DTD1: variants seen among roughly 807,000 people sequenced by gnomAD.
DTD1 encodes the protein D-tyrosyl-tRNA deacylase 1 homolog.
A neutral mutation model predicts 25.6 loss-of-function variants in DTD1; 13 were observed. The ratio of observed to expected loss-of-function variants is 0.51; its 90% confidence interval spans 0.33 to 0.81. DTD1 has a LOEUF of 0.81. DTD1 is among the 30% of genes least tolerant of loss of function. The pLI is 0.02. For synonymous variants in DTD1, 110 were observed against 103.6 expected, an observed-to-expected ratio of 1.06 and a Z score of -0.37; for missense variants, 193 against 266.4, an observed-to-expected ratio of 0.72 and a Z score of 1.92.
At chr20:18,622,948 T>G (rs893468146) in intron 3 of DTD1, among the ~76,000 whole-genome samples, 29 of 148,270 alleles carry the variant, frequency 2.0e-4, no homozygotes, top group Non-Finnish European at 3.6e-4. Flanking sequence ...TAGAATTTTT[T>G]TTTTTTGTCT....
chr20:18,657,816 C>T (rs536760260), intron 4 of DTD1, among the ~76,000 whole-genome samples: 81 of 152,296 alleles, frequency 5.3e-4, no homozygotes, highest in African/African-American at 1.9e-3. Flanking sequence ...CGTGGGCCTC[C>T]CCATAGGCCT....
intron 4 of DTD1, among the ~76,000 whole-genome samples, chr20:18,638,383 A>G (rs1323251894): frequency 6.6e-6 from 1 of 152,168 alleles, no homozygotes; most frequent in Non-Finnish European, 1.5e-5. Flanking sequence ...AAACAAAAAC[A>G]AGTATAATTT....
intron 2 of DTD1, among the ~76,000 whole-genome samples, chr20:18,594,588 A>C (rs1308067262): frequency 6.6e-6 from 1 of 152,118 alleles, no homozygotes; most frequent in African/African-American, 2.4e-5. Flanking sequence ...TGCTGGATCC[A>C]TTTATTCTGC....
At chr20:18,677,828 A>T (rs1225130560) in intron 4 of DTD1, among the ~76,000 whole-genome samples, 1 of 151,912 alleles carries the variant, frequency 6.6e-6, no homozygotes, top group East Asian at 1.9e-4. Flanking sequence ...AAAGTTCGGG[A>T]CTATCTACAC....
intron 4 of DTD1, among the ~76,000 whole-genome samples, chr20:18,740,253 A>ACAT (rs11471666): frequency 6.6e-5 from 10 of 151,654 alleles, no homozygotes; most frequent in Non-Finnish European, 1.2e-4. Context: ...GCATGAGATT[A>ACAT]CTTAGCAAGG....
chr20:18,722,894 A>G (rs1300815532), intron 4 of DTD1, among the ~76,000 whole-genome samples: 1 of 152,196 alleles, frequency 6.6e-6, no homozygotes, highest in Non-Finnish European at 1.5e-5. Context: ...ACACTGTCTT[A>G]TTTTTCTGGA....
intron 4 of DTD1, among the ~76,000 whole-genome samples, chr20:18,675,824 GTAAATATACCTATGTGTA>G (rs2060969613): frequency 4.0e-5 from 6 of 150,702 alleles, no homozygotes; most frequent in East Asian, 1.9e-4. Flanking sequence ...ACACATATAT[GTAAATATACCTATGTGTA>G]TATTTACACA....
intron 4 of DTD1, chr20:18,692,053 C>T (rs1001200670): frequency 1.3e-5 from 2 of 152,174 alleles, no homozygotes; most frequent in Non-Finnish European, 2.9e-5. Context: ...ACCTTACTTA[C>T]AACTTAGGGC....
intron 1 of DTD1, among the ~76,000 whole-genome samples, chr20:18,592,947 G>C (rs991677137): frequency 1.3e-5 from 2 of 152,152 alleles, no homozygotes; most frequent in Non-Finnish European, 1.5e-5. Context: ...CTCCCAAAGT[G>C]CTGGGATTAC....
intron 5 of DTD1, among the ~76,000 whole-genome samples, chr20:18,759,884 G>T (rs536846504): frequency 6.6e-6 from 1 of 152,344 alleles, no homozygotes; most frequent in Non-Finnish European, 1.5e-5. Context: ...ATCAGATGTA[G>T]ATTTGGTCTT....
intron 4 of DTD1, among the ~76,000 whole-genome samples, chr20:18,736,326 A>T (rs2041679270): frequency 6.6e-6 from 1 of 152,220 alleles, no homozygotes; most frequent in Admixed American, 6.5e-5. Flanking sequence ...TGGAATCTTC[A>T]GGTGGCCTAG....
chr20:18,660,619 A>T (rs994267624), intron 4 of DTD1, among the ~76,000 whole-genome samples: 3 of 152,200 alleles, frequency 2.0e-5, no homozygotes, highest in East Asian at 3.8e-4. Flanking sequence ...TTTAGTATAA[A>T]GAGAGTTTAA....
At chr20:18,713,151 A>C (rs975408376) in intron 4 of DTD1, among the ~76,000 whole-genome samples, 1 of 152,244 alleles carries the variant, frequency 6.6e-6, no homozygotes, top group African/African-American at 2.4e-5. Context: ...CATCTTTTGC[A>C]GAGGTCACTC....
chr20:18,682,991 A>G lies in DTD1; in HGVS notation c.477+54758A>G, dbSNP rs186824910. ...TGTTGCCTATATTTTTTTCATTATG[A>G]GGAAAACAGTTTACAGATTAGGACA... is the stretch of plus-strand genomic sequence containing the variant. On this transcript the variant is annotated intron_variant, in intron 4 of 5. Transcript: ENST00000377452. Among the ~76,000 whole-genome samples, 3 of 152,338 alleles carry G rather than the reference A, an allele frequency of 2.0e-5. No individual in the cohort carries two copies. In the East Asian group the frequency reaches 5.8e-4, roughly 29 times the overall value.
At chr20:18,758,063 G>A (rs2082014582) in intron 5 of DTD1, among the ~76,000 whole-genome samples, 1 of 152,184 alleles carries the variant, frequency 6.6e-6, no homozygotes, top group Non-Finnish European at 1.5e-5. Flanking sequence ...TTGCATGGAG[G>A]TGTTTATAGT....
At chr20:18,607,816 C>T (rs1263835293) in intron 3 of DTD1, among the ~76,000 whole-genome samples, 1 of 151,852 alleles carries the variant, frequency 6.6e-6, no homozygotes, top group Admixed American at 6.6e-5. Context: ...CAGGTTCAAG[C>T]GATTCTCCTG....
chr20:18,634,542 G>A (rs1004132309), intron 4 of DTD1, among the ~76,000 whole-genome samples: 1 of 152,174 alleles, frequency 6.6e-6, no homozygotes, highest in African/African-American at 2.4e-5. Context: ...GCGAAACACG[G>A]TGCCTTCAAT....
intron 5 of DTD1, among the ~76,000 whole-genome samples, chr20:18,753,387 CACCTGAGGTCAGGA>C (rs928605905): frequency 3.3e-5 from 5 of 151,982 alleles, no homozygotes; most frequent in Non-Finnish European, 7.4e-5. Flanking sequence ...GCGGGTGGAT[CACCTGAGGTCAGGA>C]GTTCAAGATC....
chr20:18,617,485 T>A (rs2060713680), intron 3 of DTD1, among the ~76,000 whole-genome samples: 1 of 151,966 alleles, frequency 6.6e-6, no homozygotes, highest in Non-Finnish European at 1.5e-5. Flanking sequence ...ACTTACACAG[T>A]ACCATACTGT....
Sources: allele counts gnomAD v4.1 joint callset (sites outside exome capture counted in the v4.1 genomes callset), GRCh38; gene constraint gnomAD v4.1.1; transcripts MANE v1.5; gene names NCBI Gene and HGNC (gene_info 2026-07-23, HGNC 2026-07-21).